Variants in ONECUT2 observed in about 807,000 individuals in gnomAD.
The protein encoded by ONECUT2 is one cut domain family member 2.
ONECUT2 carries 10 observed loss-of-function variants against 27.9 expected under a neutral mutation model. The ratio of observed to expected loss-of-function variants is 0.36; its 90% confidence interval spans 0.22 to 0.61. The LOEUF (loss-of-function observed/expected upper bound fraction) is 0.61. Among genes scored for constraint, ONECUT2 ranks in the 20% least tolerant of loss-of-function variants. The probability of loss-of-function intolerance (pLI) is 0.73; values close to 1 mark genes in which losing one functional copy is unlikely to be tolerated. For synonymous variants in ONECUT2, 334 were observed against 315.1 expected, an observed-to-expected ratio of 1.06 and a Z score of -0.64; for missense variants, 686 against 721.0, an observed-to-expected ratio of 0.95 and a Z score of 0.56.
Position 57,436,385 on chromosome 18 carries a change from C to A in ONECUT2, c.669C>A (p.Ser223Arg). ...PYKEMPGMSQ[S>R]LSPLAATPLG... ...AGGAGATGCCCGGCATGAGCCAGAG[C>A]CTGTCCCCGCTGGCCGCCACGCCGC... Residue 223 changes from serine (S) to arginine (R), a missense_variant, in exon 1 of 2, where the codon AGC becomes AGA. Coordinates refer to ENST00000491143, the MANE Select transcript of ONECUT2 (RefSeq NM_004852.3). This position sits in a 1 kb window ranked among gnomAD's most constrained non-coding sequence, Gnocchi z 5.9. The A allele has an allele frequency of 3.1e-6, 5 of 1,609,280 alleles. No individual in the cohort carries two copies. The highest frequency in any genetic ancestry group is 3.4e-6 in the Non-Finnish European group (4 of 1,179,826).
intron 1 of ONECUT2, among the ~76,000 whole-genome samples, chr18:57,468,595 G>A (rs536393263): frequency 8.5e-4 from 129 of 152,332 alleles, no homozygotes; most frequent in African/African-American, 2.7e-3. Context: ...GCTCCTCCCA[G>A]GTGGGTGATC....
At chr18:57,462,924 G>A (rs1279453289) in intron 1 of ONECUT2, among the ~76,000 whole-genome samples, 1 of 151,804 alleles carries the variant, frequency 6.6e-6, no homozygotes, top group Admixed American at 6.6e-5. Flanking sequence ...TAGACACGGA[G>A]TTTTACCATG....
chr18:57,452,107 G>C (rs2144313203), intron 1 of ONECUT2, among the ~76,000 whole-genome samples: 1 of 152,274 alleles, frequency 6.6e-6, no homozygotes, highest in Non-Finnish European at 1.5e-5. Context: ...TGGCAACACA[G>C]AAGATAAGTG....
intron 1 of ONECUT2, among the ~76,000 whole-genome samples, chr18:57,465,833 G>A (rs1385758492): frequency 6.6e-6 from 1 of 152,070 alleles, no homozygotes; most frequent in Non-Finnish European, 1.5e-5. Flanking sequence ...ATACTAAATC[G>A]CCAGTTGATA....
chr18:57,463,487 G>A (rs1428313129), intron 1 of ONECUT2, among the ~76,000 whole-genome samples: 3 of 152,014 alleles, frequency 2.0e-5, no homozygotes, highest in Admixed American at 6.5e-5. Context: ...CTTTCCTCTT[G>A]AAAGGAAGGA....
rs376202506 is a variant in ONECUT2, at chr18:57,436,068, G to A, written c.352G>A (p.Asp118Asn). Residue 118 changes from aspartate (D) to asparagine (N), a missense_variant, in exon 1 of 2, where the codon GAC becomes AAC. By Grantham distance (23) the Asp-to-Asn change is conservative. This residue lies in a region of ONECUT2 where 511 missense variants were observed against 488.1 expected (regional missense o/e 1.05). Coordinates refer to ENST00000491143, the MANE Select transcript of ONECUT2 (RefSeq NM_004852.3). The surrounding 1 kb of genome is among the most constrained non-coding windows in gnomAD (Gnocchi z 5.9). ...CATGGCCTCGATCCTGGACGGCGGC[G>A]ACTACCGGCCCGAGCTCTCCATCCC... ...TSMASILDGG[D>N]YRPELSIPLH... is the part of the protein sequence containing the mutation. 2 of 1,595,940 alleles carry A rather than the reference G, an allele frequency of 1.3e-6. No individual in the cohort carries two copies. The highest frequency in any genetic ancestry group is 2.7e-5 in the African/African-American group (2 of 74,838).
At chr18:57,468,853 G>A (rs2050338353) in intron 1 of ONECUT2, among the ~76,000 whole-genome samples, 1 of 152,144 alleles carries the variant, frequency 6.6e-6, no homozygotes. Flanking sequence ...TGAATTCAAG[G>A]AATCTTATTA....
intron 1 of ONECUT2, among the ~76,000 whole-genome samples, chr18:57,442,031 A>G (rs1008888870): frequency 2.1e-5 from 3 of 146,208 alleles, no homozygotes; most frequent in Non-Finnish European, 3.0e-5. Context: ...GCGGGTAAGG[A>G]GGTGTCCTGT....
rs531826692 is a variant in ONECUT2, at chr18:57,489,718, G to A, written c.*12995G>A. Reference sequence around the variant, plus strand: ...TCATACCATTAACAGATACTTCCTTGAAGGTAGAATATTATTTCCTTTCTT... The same window carrying A: ...TCATACCATTAACAGATACTTCCTTAAAGGTAGAATATTATTTCCTTTCTT... On this transcript the variant is annotated 3_prime_UTR_variant, in exon 2 of 2. Coordinates refer to ENST00000491143, the MANE Select transcript of ONECUT2 (RefSeq NM_004852.3). 1 of 152,248 alleles carries A rather than the reference G, an allele frequency of 6.6e-6. No homozygotes were observed. The highest frequency in any genetic ancestry group is 2.4e-5 in the African/African-American group (1 of 41,548). The allele number at this position is 152,248 out of a possible 1,614,324, so 9.4% of individuals were successfully genotyped here. A position where few individuals can be genotyped will look rare whatever the true frequency, so the allele number is the denominator to read the frequency against.
chr18:57,476,368 A>G, intron 1 of ONECUT2, 69 bp from the exon 2 acceptor site: 3 of 1,511,726 alleles, frequency 2.0e-6, no homozygotes, highest in Non-Finnish European at 2.7e-6. Context: ...CAACTTTGTC[A>G]ATGTTTTCCA....
At position 57,490,515 on chromosome 18, in the gene ONECUT2, A is replaced by T. The variant is rs889854579; in HGVS notation, c.*13792A>T. On this transcript the variant is annotated 3_prime_UTR_variant, in exon 2 of 2. Transcript: ENST00000491143. The stretch of plus-strand genomic sequence containing the variant: ...GAAGAATTTGTCCCAGATCTGTTTA[A>T]AGTTTCAAAATTTAAAAAGGGACCC... The T allele has an allele frequency of 3.9e-5, 6 of 152,174 alleles. No individual in the cohort carries two copies. The highest frequency in any genetic ancestry group is 8.8e-5 in the Non-Finnish European group (6 of 68,042). The allele number at this position is 152,174 out of a possible 1,614,324, so 9.4% of individuals were successfully genotyped here. A position where few individuals can be genotyped will look rare whatever the true frequency, so the allele number is the denominator to read the frequency against.
intron 1 of ONECUT2, among the ~76,000 whole-genome samples, chr18:57,449,452 C>T (rs148212147): frequency 6.6e-6 from 1 of 152,344 alleles, no homozygotes; most frequent in African/African-American, 2.4e-5. Context: ...AAGCATTTCA[C>T]AATGTCAAGT....
At position 57,476,594 on chromosome 18, in the gene ONECUT2, G is replaced by T; in HGVS notation, c.1386G>T (p.Gln462His). The T allele has an allele frequency of 6.2e-7, 1 of 1,614,206 alleles. No homozygotes were observed. The highest frequency in any genetic ancestry group is 1.3e-5 in the African/African-American group (1 of 75,046). The change falls in exon 2 of 2, where the codon CAG becomes CAT. Residue 462 changes from glutamine (Q) to histidine (H), a missense_variant. Transcript: ENST00000491143. ...SKEMQITISQ[Q>H]LGLELTTVSN... ...AGATGCAGATCACCATTTCCCAGCA[G>T]CTGGGCCTGGAGCTCACAACCGTCA...
At chr18:57,457,240 G>A (rs2050264736) in intron 1 of ONECUT2, among the ~76,000 whole-genome samples, 1 of 152,140 alleles carries the variant, frequency 6.6e-6, no homozygotes, top group South Asian at 2.1e-4. Flanking sequence ...CCATCCTAAT[G>A]GGAATGAGGT....
Position 57,485,524 on chromosome 18 carries a change from A to G in ONECUT2, c.*8801A>G, listed in dbSNP as rs1013374815. 6.6e-6 allele frequency: 1 copy of G among 152,356 alleles called. No homozygotes were observed. Among genetic ancestry groups the G allele is most frequent in the African/African-American group, 2.4e-5 (1 of 41,598 alleles). The allele number at this position is 152,356 out of a possible 1,614,324, so 9.4% of individuals were successfully genotyped here. A position where few individuals can be genotyped will look rare whatever the true frequency, so the allele number is the denominator to read the frequency against. On this transcript the variant is annotated 3_prime_UTR_variant, in exon 2 of 2. Transcript: ENST00000491143. ...ATTAAATCACTATTAAGAGCCATTCATCAACGTGATTTGTGTGTTAGCCAA... is the reference window on the plus strand; with the variant it reads ...ATTAAATCACTATTAAGAGCCATTCGTCAACGTGATTTGTGTGTTAGCCAA...
At position 57,436,264 on chromosome 18, in the gene ONECUT2, A is replaced by G. The variant is rs2050140753; in HGVS notation, c.548A>G (p.His183Arg). ...HHHPHHHHHH[H>R]HQRLSGNVSG... ...CATCCGCACCACCACCACCACCACC[A>G]CCACCAGCGCCTGTCCGGCAACGTC... Residue 183 changes from histidine (H) to arginine (R), a missense_variant, in exon 1 of 2, where the codon CAC becomes CGC. His to Arg is a conservative substitution (Grantham distance 29). This residue lies in a region of ONECUT2 where 511 missense variants were observed against 488.1 expected (regional missense o/e 1.05). Coordinates refer to ENST00000491143, the MANE Select transcript of ONECUT2 (RefSeq NM_004852.3). This position sits in a 1 kb window ranked among gnomAD's most constrained non-coding sequence, Gnocchi z 5.9. The G allele has an allele frequency of 6.2e-7, 1 of 1,602,986 alleles. No individual in the cohort carries two copies. The highest frequency in any genetic ancestry group is 1.3e-5 in the African/African-American group (1 of 74,700).
chr18:57,448,650 A>C (rs780168522), intron 1 of ONECUT2, among the ~76,000 whole-genome samples: 3 of 152,224 alleles, frequency 2.0e-5, no homozygotes, highest in Non-Finnish European at 4.4e-5. Flanking sequence ...TAAAACATGG[A>C]TTTGGCAACA....
At chr18:57,442,927 G>C (rs1185280187) in intron 1 of ONECUT2, among the ~76,000 whole-genome samples, 1 of 152,144 alleles carries the variant, frequency 6.6e-6, no homozygotes. Context: ...GAGGGAAGGA[G>C]AGCCAGCCTC....
intron 1 of ONECUT2, among the ~76,000 whole-genome samples, chr18:57,438,224 G>A (rs1205444333): frequency 6.6e-6 from 1 of 152,258 alleles, no homozygotes; most frequent in Non-Finnish European, 1.5e-5. Flanking sequence ...CACGGGCCCA[G>A]AGGGGCAAAA....
Sources: allele counts gnomAD v4.1 joint callset (sites outside exome capture counted in the v4.1 genomes callset), GRCh38; gene constraint gnomAD v4.1.1; regional missense constraint gnomAD v4.1.1; non-coding constraint Gnocchi (gnomAD v3.1); transcripts MANE v1.5; gene names NCBI Gene and HGNC (gene_info 2026-07-23, HGNC 2026-07-21).